Variants in VAV2 observed in about 807,000 individuals in gnomAD.
VAV2 encodes vav guanine nucleotide exchange factor 2.
VAV2 carries 67 observed loss-of-function variants against 132.5 expected under a neutral mutation model. The ratio of observed to expected loss-of-function variants is 0.51; its 90% CI spans 0.42 to 0.62. VAV2 has a LOEUF of 0.62. Ranked by LOEUF, VAV2 falls within the 20% of genes least tolerant of loss-of-function variation. The probability of loss-of-function intolerance (pLI) is 0.00; values close to 1 mark genes in which losing one functional copy is unlikely to be tolerated. For missense variants in VAV2, 938 were observed against 1,153.6 expected, an observed-to-expected ratio of 0.81 and a Z score of 2.71; for synonymous variants, 492 against 443.5, an observed-to-expected ratio of 1.11 and a Z score of -1.37.
chr9:133,909,600 C>T (rs957948674), intron 2 of VAV2, among the ~76,000 whole-genome samples: 2 of 152,088 alleles, frequency 1.3e-5, no homozygotes, highest in Non-Finnish European at 2.9e-5. Flanking sequence ...AGATAGCCAG[C>T]GGCTATCTCT....
At chr9:133,955,014 G>A (rs1458294564) in intron 1 of VAV2, among the ~76,000 whole-genome samples, 1 of 152,016 alleles carries the variant, frequency 6.6e-6, no homozygotes, top group African/African-American at 2.4e-5. Flanking sequence ...GCACTGAGGT[G>A]AGGAAAAAGG....
At chr9:133,921,327 C>T (rs537920074) in intron 2 of VAV2, among the ~76,000 whole-genome samples, 4 of 152,334 alleles carry the variant, frequency 2.6e-5, no homozygotes, top group Admixed American at 6.5e-5. Context: ...GAATGAATGG[C>T]TTCTTCTTCA....
At chr9:133,809,168 C>A (rs1489600556) in intron 6 of VAV2, 30 bp from the exon 7 acceptor site, 1 of 1,599,388 alleles carries the variant, frequency 6.3e-7, no homozygotes, top group Non-Finnish European at 8.6e-7. Flanking sequence ...GTCAGCAGGA[C>A]CCCATGGGCC....
chr9:133,881,370 G>A (rs1385914493), intron 2 of VAV2, among the ~76,000 whole-genome samples: 1 of 152,262 alleles, frequency 6.6e-6, no homozygotes, highest in African/African-American at 2.4e-5. Context: ...TTGTGAACAG[G>A]ACTGAGAAGG....
At position 133,833,960 on chromosome 9, in the gene VAV2, G is replaced by A. The variant is rs1836362397; in HGVS notation, c.449+312C>T. Among the ~76,000 whole-genome samples the A allele has an allele frequency of 6.6e-6, 1 of 152,174 alleles. No homozygotes were observed. The highest frequency in any genetic ancestry group is 2.4e-5 in the African/African-American group (1 of 41,438). On this transcript the variant is annotated intron_variant, in intron 4 of 29. Transcript: ENST00000371850. The surrounding 1 kb of genome is among the most constrained non-coding windows in gnomAD (Gnocchi z 5.6). ...CTGCCCCACAGCTTCGCAGAGACAA[G>A]CCCTCATGGAGGACCCTGCTAGGGC...
At position 133,763,980 on chromosome 9, in the gene VAV2, G is replaced by T; in HGVS notation, c.*82C>A. 1 of 1,544,148 alleles carries T rather than the reference G, an allele frequency of 6.5e-7. No individual in the cohort carries two copies. The stretch of plus-strand genomic sequence containing the variant: ...TGGGAGGTTGGTATTTCCCCTCTGA[G>T]TCACAGAGGAGCTAGAGACAGACTT... On this transcript the variant is annotated 3_prime_UTR_variant, in exon 30 of 30. Transcript: ENST00000371850. This position sits in a 1 kb window ranked among gnomAD's most constrained non-coding sequence, Gnocchi z 6.8.
intron 2 of VAV2, among the ~76,000 whole-genome samples, chr9:133,909,236 G>A (rs1020470277): frequency 6.6e-6 from 1 of 152,090 alleles, no homozygotes; most frequent in Non-Finnish European, 1.5e-5. Context: ...GGGTGTTTTG[G>A]TCTCATTGCC....
At chr9:133,805,128 C>T (rs1166105949) in intron 9 of VAV2, among the ~76,000 whole-genome samples, 1 of 152,170 alleles carries the variant, frequency 6.6e-6, no homozygotes. Flanking sequence ...TGACGGCCAC[C>T]TGGCGGGTGA....
chr9:133,952,602 CG>C (rs375054619), intron 1 of VAV2, among the ~76,000 whole-genome samples: 2 of 125,278 alleles, frequency 1.6e-5, no homozygotes, highest in African/African-American at 2.8e-5. Flanking sequence ...GACTCTGTCT[CG>C]GGGAAAAAAA....
intron 17 of VAV2, among the ~76,000 whole-genome samples, chr9:133,784,713 G>C (rs1406908601): frequency 1.3e-5 from 2 of 152,192 alleles, no homozygotes; most frequent in African/African-American, 2.4e-5. Flanking sequence ...GCAGGTGTGG[G>C]TATTTGTTAA....
At chr9:133,933,424 GGGTGGATGAAT>G (rs1329180777) in intron 2 of VAV2, among the ~76,000 whole-genome samples, 1 of 152,226 alleles carries the variant, frequency 6.6e-6, no homozygotes, top group Non-Finnish European at 1.5e-5. Flanking sequence ...ACTAATGAAT[GGGTGGATGAAT>G]GGTGGATGGA....
chr9:133,850,310 C>T (rs1837116232), intron 3 of VAV2, among the ~76,000 whole-genome samples: 1 of 152,194 alleles, frequency 6.6e-6, no homozygotes, highest in African/African-American at 2.4e-5. Flanking sequence ...CCCTGCTCTG[C>T]CCTGACCCAG....
intron 2 of VAV2, among the ~76,000 whole-genome samples, chr9:133,893,650 C>A (rs1268082718): frequency 6.6e-6 from 1 of 152,232 alleles, no homozygotes; most frequent in Non-Finnish European, 1.5e-5. Flanking sequence ...GGGCGAGCAC[C>A]CAGCCCAGCC....
chr9:133,824,869 C>T lies in VAV2; in HGVS notation c.449+9403G>A, dbSNP rs1012564183. ...AGAGCCCCGTCTCCTTCCTGTCCAG[C>T]GAGAGGGCTCAGGGCCCGGCCTGCA... On this transcript the variant is annotated intron_variant, in intron 4 of 29. Transcript: ENST00000371850. The surrounding 1 kb of genome is among the most constrained non-coding windows in gnomAD (Gnocchi z 5.2). 5.9e-5 allele frequency among the ~76,000 whole-genome samples: 9 copies of T among 152,152 alleles called. No individual in the cohort carries two copies. The highest frequency in any genetic ancestry group is 4.8e-5 in the African/African-American group (2 of 41,442).
intron 1 of VAV2, among the ~76,000 whole-genome samples, chr9:133,956,731 T>C (rs1349213778): frequency 6.6e-6 from 1 of 152,314 alleles, no homozygotes; most frequent in East Asian, 1.9e-4. Context: ...GATTCCCTGC[T>C]GCCAGGCCAA....
chr9:133,847,304 A>C (rs957990657), intron 3 of VAV2, among the ~76,000 whole-genome samples: 1 of 152,176 alleles, frequency 6.6e-6, no homozygotes, highest in Non-Finnish European at 1.5e-5. Flanking sequence ...AATAGCAGAA[A>C]ACCCAGGACC....
At chr9:133,861,239 A>C in intron 3 of VAV2, 135 bp downstream of exon 3, 4 of 956,256 alleles carry the variant, frequency 4.2e-6, no homozygotes, top group Non-Finnish European at 5.8e-6. Flanking sequence ...GGGTTACGCG[A>C]CAACACGCTG....
intron 1 of VAV2, among the ~76,000 whole-genome samples, chr9:133,981,602 A>C (rs2132292173): frequency 6.6e-6 from 1 of 152,314 alleles, no homozygotes. Context: ...GGCGCCAGAC[A>C]CACACTTTTT....
chr9:133,866,469 A>T (rs1837804283), intron 2 of VAV2, among the ~76,000 whole-genome samples: 1 of 152,142 alleles, frequency 6.6e-6, no homozygotes, highest in Admixed American at 6.5e-5. Context: ...ACGCCTACTC[A>T]ACATCAGTCA....
Sources: allele counts gnomAD v4.1 joint callset (sites outside exome capture counted in the v4.1 genomes callset), GRCh38; gene constraint gnomAD v4.1.1; non-coding constraint Gnocchi (gnomAD v3.1); transcripts MANE v1.5; gene names NCBI Gene and HGNC (gene_info 2026-07-23, HGNC 2026-07-21).